The following MMS19 variants were observed in gnomAD, a reference collection of about 807,000 sequenced individuals.
The protein encoded by MMS19 is MMS19 cytosolic iron-sulfur assembly component.
A neutral mutation model predicts 129.8 loss-of-function variants in MMS19; 77 were observed. The observed-to-expected ratio is 0.59, with a 90% CI of 0.49 to 0.72. The LOEUF (loss-of-function observed/expected upper bound fraction) is 0.72, where lower values mean the gene tolerates loss of function less well. Ranked by LOEUF, MMS19 falls within the 30% of genes least tolerant of loss-of-function variation. The pLI, the probability that MMS19 is intolerant of heterozygous loss-of-function variation, is 0.00. For synonymous variants in MMS19, 491 were observed against 502.8 expected (o/e 0.98, Z 0.31); for missense variants, 1,168 against 1,266.3 (o/e 0.92, Z 1.18).
At chr10:97,479,979 GA>G (rs1175684765) in intron 3 of MMS19, among the ~76,000 whole-genome samples, 1 of 152,186 alleles carries the variant, frequency 6.6e-6, no homozygotes, top group Non-Finnish European at 1.5e-5. Context: ...ATATGCAAAT[GA>G]AATCCATTAG....
chr10:97,476,785 C>T (rs373884014), intron 7 of MMS19, 41 bp from the exon 8 acceptor site: 7 of 1,613,612 alleles, frequency 4.3e-6, no homozygotes, highest in African/African-American at 4.0e-5. Flanking sequence ...TTATCAGCTT[C>T]ACTCATCTGA....
rs753275951 is a variant in MMS19 at position 97,498,353 on chromosome 10, G to A, written c.32C>T (p.Ala11Val). The change falls in exon 1 of 31, where the codon GCG (alanine) becomes GTG (valine). Residue 11 changes from alanine (A) to valine (V), a missense_variant. Ala to Val is a moderately conservative substitution (Grantham distance 64, BLOSUM62 0). Transcript: ENST00000438925. ...GAGGCCCCATAGGGCACCCATAGGC[G>A]CCGCCGCCTCCACAGCCGCGGCAGC... The part of the protein sequence containing the change: MAAAAAVEAA[A>V]PMGALWGLVH... 1.1e-5 allele frequency: 18 copies of A among 1,571,328 alleles called. No homozygotes were observed. Among genetic ancestry groups the A allele is most frequent in the South Asian group, 3.4e-5 (3 of 87,098 alleles).
At chr10:97,478,077 C>A in intron 4 of MMS19, 148 bp from the exon 5 acceptor site, 1 of 664,736 alleles carries the variant, frequency 1.5e-6, no homozygotes, top group Non-Finnish European at 2.6e-6. Flanking sequence ...CTTTCTCAAG[C>A]TGATGAGTTC....
At chr10:97,470,036 G>A (rs1373854614) in intron 10 of MMS19, 93 bp downstream of exon 10, 1 of 916,548 alleles carries the variant, frequency 1.1e-6, no homozygotes, top group Non-Finnish European at 1.7e-6. Context: ...TGAGGCCCAT[G>A]AACTGTTCCT....
At chr10:97,481,377 A>T (rs2036769941) in intron 2 of MMS19, among the ~76,000 whole-genome samples, 1 of 152,176 alleles carries the variant, frequency 6.6e-6, no homozygotes, top group South Asian at 2.1e-4. Flanking sequence ...TGATTGTGAC[A>T]TTCCTCTGAA....
chr10:97,462,760 T>G, intron 19 of MMS19, 78 bp from the exon 20 acceptor site: 2 of 1,118,944 alleles, frequency 1.8e-6, no homozygotes, highest in Non-Finnish European at 2.7e-6. Flanking sequence ...TCTGTCAGCA[T>G]CACTGACTCT....
Position 97,468,309 on chromosome 10 carries a change from G to C in MMS19, c.1161C>G (p.Asp387Glu). The C allele has an allele frequency of 2.5e-6, 4 of 1,611,636 alleles. No homozygotes were observed. The highest frequency in any genetic ancestry group is 3.4e-6 in the Non-Finnish European group (4 of 1,178,528). The part of the protein sequence containing the change: ...AAAGASARAC[D>E]SVTSNVLPLL... Reference sequence around the variant, plus strand: ...AAGGCAGTACATTGCTGGTGACAGAGTCACAGGCCCGGGCAGATGCACCTG... The same window carrying C: ...AAGGCAGTACATTGCTGGTGACAGACTCACAGGCCCGGGCAGATGCACCTG... The change falls in exon 13 of 31, where the codon GAC becomes GAG. Residue 387 changes from aspartate (D) to glutamate (E), a missense_variant. Physicochemically the swap from Asp to Glu is conservative, Grantham distance 45 (BLOSUM62 2). Around this residue, in one of 3 missense-constraint regions of MMS19, gnomAD observed 831 missense variants for 910.8 expected, o/e 0.91. Transcript: ENST00000438925.
rs1446873658 is a variant in MMS19 at position 97,462,614 on chromosome 10, T to TGACAG, written c.1976_1980dup (p.Ile661LeufsTer10). Reference sequence around the variant, plus strand: ...CTCAGGTGGGTTGTAGCAGTGCCAATGACAGACACCATGGCAGCCAACACC... The same window carrying TGACAG: ...CTCAGGTGGGTTGTAGCAGTGCCAATGACAGGACAGACACCATGGCAGCCAACACC... On this transcript the variant is annotated frameshift_variant, in exon 20 of 31. Coordinates refer to ENST00000438925, the MANE Select transcript of MMS19 (RefSeq NM_022362.5). LOFTEE classifies it high-confidence loss of function. 6.2e-7 allele frequency: 1 copy of TGACAG among 1,613,968 alleles called. No homozygotes were observed. The highest frequency in any genetic ancestry group is 8.5e-7 in the Non-Finnish European group (1 of 1,179,854).
In MMS19 at chr10:97,459,413, G is replaced by T; in HGVS notation, c.2853C>A (p.His951Gln). 6.2e-7 allele frequency: 1 copy of T among 1,607,100 alleles called. No individual in the cohort carries two copies. The highest frequency in any genetic ancestry group is 8.5e-7 in the Non-Finnish European group (1 of 1,176,796). ...LLEAPQVMSL[H>Q]VDTLVTKFLN... ...GAAACTTGGTGACGAGGGTGTCCAC[G>T]TGAAGACTCATGACTTGGGGTGCTT... The change falls in exon 28 of 31, where the codon CAC (histidine) becomes CAA (glutamine). Residue 951 changes from histidine (H) to glutamine (Q), a missense_variant. By Grantham distance (24) the His-to-Gln change is conservative (BLOSUM62 0). Around this residue, in one of 3 missense-constraint regions of MMS19, gnomAD observed 831 missense variants for 910.8 expected, o/e 0.91. Transcript: ENST00000438925.
chr10:97,498,736 GGGCGGT>G, upstream of MMS19: 1 of 328,632 alleles, frequency 3.0e-6, no homozygotes, highest in Non-Finnish European at 5.6e-6. Context: ...CAGCCCTAGG[GGGCGGT>G]GCTGTCGGTC....
At chr10:97,485,220 C>G (rs1589755535) in intron 1 of MMS19, among the ~76,000 whole-genome samples, 1 of 151,782 alleles carries the variant, frequency 6.6e-6, no homozygotes, top group Non-Finnish European at 1.5e-5. Flanking sequence ...CCTCCACCTC[C>G]TGGGTTCAAG....
At chr10:97,496,558 A>G (rs1167711939) in intron 1 of MMS19, among the ~76,000 whole-genome samples, 1 of 151,946 alleles carries the variant, frequency 6.6e-6, no homozygotes, top group African/African-American at 2.4e-5. Flanking sequence ...CTTATTCAAG[A>G]TAAGTCCTTA....
At chr10:97,461,781 A>G (rs2032020496) in intron 22 of MMS19, 47 bp downstream of exon 22, 1 of 1,578,356 alleles carries the variant, frequency 6.3e-7, no homozygotes, top group Non-Finnish European at 8.6e-7. Context: ...GCCCGGAGTC[A>G]CCTTGTCAAG....
chr10:97,484,231 T>C (rs2037404115), intron 1 of MMS19, 80 bp from the exon 2 acceptor site: 2 of 996,776 alleles, frequency 2.0e-6, no homozygotes, highest in African/African-American at 3.3e-5. Context: ...TTATAATGTT[T>C]CCTGCCTGCC....
chr10:97,492,135 C>CAAAA (rs2039003276), intron 1 of MMS19, among the ~76,000 whole-genome samples: 1 of 75,196 alleles, frequency 1.3e-5, no homozygotes, highest in South Asian at 4.0e-4. Flanking sequence ...GAAACTCAAT[C>CAAAA]TAAAAAAAAA....
At chr10:97,497,524 T>A (rs2040018451) in intron 1 of MMS19, among the ~76,000 whole-genome samples, 1 of 150,670 alleles carries the variant, frequency 6.6e-6, no homozygotes, top group Non-Finnish European at 1.5e-5. Context: ...TTTTAGTAGT[T>A]TTTTTTTTTT....
intron 16 of MMS19, 93 bp downstream of exon 16, chr10:97,466,411 C>A: frequency 1.9e-6 from 2 of 1,057,944 alleles, no homozygotes; most frequent in African/African-American, 1.6e-5. Flanking sequence ...AGCCAAGGGT[C>A]AGAAGCACAG....
At chr10:97,479,425 G>A (rs957045337) in intron 3 of MMS19, among the ~76,000 whole-genome samples, 3 of 151,956 alleles carry the variant, frequency 2.0e-5, no homozygotes, top group South Asian at 2.1e-4. Context: ...CCCATTCGAC[G>A]CCCCTTTTCA....
intron 1 of MMS19, among the ~76,000 whole-genome samples, chr10:97,487,775 T>TAA (rs1489313610): frequency 6.6e-6 from 1 of 152,154 alleles, no homozygotes; most frequent in Non-Finnish European, 1.5e-5. Flanking sequence ...TTTCCCGATA[T>TAA]ATAAAGAGTT....
Sources: gnomAD v4.1 joint callset for allele counts (sites outside exome capture counted in the v4.1 genomes callset) on GRCh38, gnomAD v4.1.1 for gene constraint, gnomAD v4.1.1 regional missense constraint, MANE v1.5 for transcripts, NCBI Gene and HGNC (gene_info 2026-07-23, HGNC 2026-07-21) for gene names.